Variants in RGPD2 observed in about 807,000 individuals in gnomAD.
RGPD2 encodes the protein RANBP2 like and GRIP domain containing 2.
Under a neutral mutation model 36.0 loss-of-function variants are expected in RGPD2, and 2 were observed. The observed-to-expected ratio is 0.06, with a 90% CI of 0.02 to 0.17. The LOEUF is 0.17. Ranked by LOEUF, RGPD2 falls within the 10% of genes least tolerant of loss-of-function variation. The pLI is 1.00. For missense variants in RGPD2, 40 were observed against 464.3 expected (o/e 0.09, Z 8.40); for synonymous variants, 19 against 163.8 (o/e 0.12, Z 6.75).
chr2:87,978,117 A>AAAAATAAAAT, the RGPD2 span, among the ~76,000 whole-genome samples: 1 of 149,614 alleles, frequency 6.7e-6, no homozygotes, highest in African/African-American at 2.5e-5. Context: ...ACTCCATCTC[A>AAAAATAAAAT]AAAATAAAAT....
chr2:87,918,505 T>A, the RGPD2 span, among the ~76,000 whole-genome samples: 1 of 150,624 alleles, frequency 6.6e-6, no homozygotes, highest in Non-Finnish European at 1.5e-5. Context: ...GCAGGACATA[T>A]TTGGTCTGAT....
chr2:87,937,288 T>A, the RGPD2 span, among the ~76,000 whole-genome samples: 1 of 151,778 alleles, frequency 6.6e-6, no homozygotes, highest in Non-Finnish European at 1.5e-5. Context: ...AATGTCTAGA[T>A]GGAGAAGTGA....
chr2:87,969,467 G>GC, the RGPD2 span, among the ~76,000 whole-genome samples: 1 of 149,522 alleles, frequency 6.7e-6, no homozygotes, highest in African/African-American at 2.5e-5. Context: ...GACCAGCCTG[G>GC]CCAACATGGT....
chr2:87,915,795 A>C, the RGPD2 span, among the ~76,000 whole-genome samples: 6 of 151,044 alleles, frequency 4.0e-5, no homozygotes, highest in South Asian at 1.2e-3. Flanking sequence ...GATATGGAGC[A>C]CAGAAATTTA....
At chr2:87,972,708 G>A in the RGPD2 span, 139 of 1,603,244 alleles carry the variant, frequency 8.7e-5, no homozygotes, top group Non-Finnish European at 1.1e-4. Context: ...GGGGCACTTC[G>A]GGCGCCGCAA....
the RGPD2 span, among the ~76,000 whole-genome samples, chr2:87,832,162 G>T: frequency 4.0e-5 from 6 of 149,058 alleles, no homozygotes; most frequent in Non-Finnish European, 7.4e-5. Flanking sequence ...ATTAATAAAA[G>T]AATGTACAAG....
chr2:87,989,328 A>G, the RGPD2 span, among the ~76,000 whole-genome samples: 342 of 143,492 alleles, frequency 2.4e-3, 9 homozygotes, highest in East Asian at 0.056. Context: ...CAGAAACTTT[A>G]AATGTAATTA....
chr2:87,843,737 A>G, the RGPD2 span, among the ~76,000 whole-genome samples: 1 of 152,196 alleles, frequency 6.6e-6, no homozygotes, highest in African/African-American at 2.4e-5. Flanking sequence ...ACTATAAAAC[A>G]TGCTGCTATA....
the RGPD2 span, among the ~76,000 whole-genome samples, chr2:87,936,349 AGGTAATCAT>A: frequency 6.7e-6 from 1 of 150,302 alleles, no homozygotes; most frequent in African/African-American, 2.4e-5. Context: ...AAACTTTAAG[AGGTAATCAT>A]GGTATTGTTT....
At chr2:87,841,888 T>C in the RGPD2 span, among the ~76,000 whole-genome samples, 10 of 144,116 alleles carry the variant, frequency 6.9e-5, no homozygotes, top group African/African-American at 2.6e-4. Flanking sequence ...ATCCCTGGGA[T>C]GCAAGGCTGG....
At chr2:87,883,550 G>A in the RGPD2 span, among the ~76,000 whole-genome samples, 1 of 151,768 alleles carries the variant, frequency 6.6e-6, no homozygotes, top group Non-Finnish European at 1.5e-5. Flanking sequence ...ACAAAGCCCA[G>A]TTATATGCTG....
At chr2:87,985,697 C>G in the RGPD2 span, 1 of 1,509,682 alleles carries the variant, frequency 6.6e-7, no homozygotes, top group Non-Finnish European at 9.2e-7. Context: ...AACAGAATAA[C>G]TCATAAAGAA....
At chr2:87,985,907 T>G in the RGPD2 span, 3 of 1,593,414 alleles carry the variant, frequency 1.9e-6, no homozygotes, top group East Asian at 2.2e-5. Flanking sequence ...TTTGCAAACA[T>G]GTTTGTACTA....
the RGPD2 span, among the ~76,000 whole-genome samples, chr2:87,844,345 TATG>T: frequency 2.0e-5 from 3 of 150,926 alleles, no homozygotes; most frequent in Non-Finnish European, 4.4e-5. Flanking sequence ...GTTTTGCAGT[TATG>T]ATATTTTTAA....
the RGPD2 span, among the ~76,000 whole-genome samples, chr2:87,914,871 T>C: frequency 6.6e-6 from 1 of 152,088 alleles, no homozygotes; most frequent in Non-Finnish European, 1.5e-5. Flanking sequence ...ATAACAGTAG[T>C]TCAGTAAATG....
the RGPD2 span, among the ~76,000 whole-genome samples, chr2:87,915,026 A>G: frequency 2.0e-5 from 3 of 151,906 alleles, no homozygotes; most frequent in Non-Finnish European, 2.9e-5. Flanking sequence ...GCATGCCTGT[A>G]ATCCCAGGTA....
At chr2:87,877,476 G>C in the RGPD2 span, among the ~76,000 whole-genome samples, 1 of 152,114 alleles carries the variant, frequency 6.6e-6, no homozygotes, top group Non-Finnish European at 1.5e-5. Flanking sequence ...AGTTTTGCCA[G>C]GTACAAAATT....
At chr2:87,940,951 A>C in the RGPD2 span, among the ~76,000 whole-genome samples, 1 of 152,032 alleles carries the variant, frequency 6.6e-6, no homozygotes, top group Non-Finnish European at 1.5e-5. Context: ...AGAACAAAGT[A>C]TGGGGACTTG....
the RGPD2 span, chr2:87,972,770 G>A: frequency 1.9e-6 from 3 of 1,611,644 alleles, no homozygotes; most frequent in Non-Finnish European, 2.5e-6. Context: ...CTACCTCTGT[G>A]AGAGTGGTCA....
Sources: gnomAD v4.1 joint callset for allele counts (sites outside exome capture counted in the v4.1 genomes callset) on GRCh38, gnomAD v4.1.1 for gene constraint, MANE v1.5 for transcripts, NCBI Gene and HGNC (gene_info 2026-07-23, HGNC 2026-07-21) for gene names.